Variants in PHF2 observed in about 807,000 individuals in gnomAD.
PHF2 encodes the protein PHD finger protein 2.
PHF2 carries 27 observed loss-of-function variants against 120.5 expected under a neutral mutation model. That is an observed-to-expected ratio of 0.22 (90% CI 0.17 to 0.31). The LOEUF (loss-of-function observed/expected upper bound fraction) is 0.31. PHF2 is among the 10% of genes least tolerant of loss of function. PHF2 has a pLI of 1.00. For missense variants in PHF2, 1,024 were observed against 1,434.8 expected, an observed-to-expected ratio of 0.71 and a Z score of 4.63; for synonymous variants, 568 against 592.5, an observed-to-expected ratio of 0.96 and a Z score of 0.60.
chr9:93,600,181 C>G (rs1432056035), intron 1 of PHF2, among the ~76,000 whole-genome samples: 1 of 151,216 alleles, frequency 6.6e-6, no homozygotes, highest in Non-Finnish European at 1.5e-5. Context: ...TGCTGTGTGT[C>G]TGTAGCATAT....
At chr9:93,671,067 G>A (rs10821195) in intron 17 of PHF2, 1 of 976,464 alleles carries the variant, frequency 1.0e-6, no homozygotes, top group Non-Finnish European at 1.2e-6. Context: ...AGATGCAGGT[G>A]GGGGTGCAGG....
Position 93,636,391 on chromosome 9 carries a change from G to C in PHF2, c.185-20G>C. On this transcript the variant is annotated intron_variant, in intron 2 of 21. Coordinates refer to ENST00000359246, the MANE Select transcript of PHF2 (RefSeq NM_005392.4). Reference sequence around the variant, plus strand: ...GGGGCTGCGCTGTGTGACCGACCTTGCTTCCGGTCTCCTCCACAGTAAAGA... The same window carrying C: ...GGGGCTGCGCTGTGTGACCGACCTTCCTTCCGGTCTCCTCCACAGTAAAGA... 6.3e-7 allele frequency: 1 copy of C among 1,581,854 alleles called. No individual in the cohort carries two copies. The highest frequency in any genetic ancestry group is 1.1e-5 in the South Asian group (1 of 87,062).
At chr9:93,580,806 G>C (rs1862917686) in intron 1 of PHF2, among the ~76,000 whole-genome samples, 1 of 152,206 alleles carries the variant, frequency 6.6e-6, no homozygotes, top group South Asian at 2.1e-4. Flanking sequence ...TGAGGGCCCA[G>C]GGGTTAGCCA....
At chr9:93,630,202 C>A in intron 2 of PHF2, 147 bp downstream of exon 2, 1 of 720,358 alleles carries the variant, frequency 1.4e-6, no homozygotes, top group Admixed American at 2.2e-5. Flanking sequence ...GGCCTGGGGA[C>A]CCTGCCAGCC....
intron 9 of PHF2, among the ~76,000 whole-genome samples, chr9:93,657,508 C>T (rs1333722099): frequency 6.6e-6 from 1 of 152,218 alleles, no homozygotes; most frequent in Admixed American, 6.5e-5. Flanking sequence ...ACAGGGCCAG[C>T]CTGACTACTG....
intron 1 of PHF2, among the ~76,000 whole-genome samples, chr9:93,609,582 A>G (rs1340602835): frequency 6.6e-6 from 1 of 151,730 alleles, no homozygotes; most frequent in Non-Finnish European, 1.5e-5. Context: ...AACACTTTGA[A>G]TGTTTTACTC....
chr9:93,582,639 C>G (rs1369242187), intron 1 of PHF2, among the ~76,000 whole-genome samples: 1 of 152,154 alleles, frequency 6.6e-6, no homozygotes, highest in Non-Finnish European at 1.5e-5. Flanking sequence ...CTCCTGGACC[C>G]CCCCGCCACC....
intron 3 of PHF2, among the ~76,000 whole-genome samples, chr9:93,643,851 C>T (rs1826209148): frequency 6.6e-6 from 1 of 152,180 alleles, no homozygotes; most frequent in Non-Finnish European, 1.5e-5. Flanking sequence ...CCGCCTCTGC[C>T]CCCACCACTC....
At chr9:93,611,699 G>C (rs530616343) in intron 1 of PHF2, among the ~76,000 whole-genome samples, 2 of 151,916 alleles carry the variant, frequency 1.3e-5, no homozygotes, top group Admixed American at 6.6e-5. Context: ...ATTTTTTGTG[G>C]AGATGGGGTC....
chr9:93,659,708 A>C, intron 11 of PHF2, 108 bp downstream of exon 11: 1 of 999,640 alleles, frequency 1.0e-6, no homozygotes, highest in South Asian at 1.5e-5. Context: ...CAGGTCTGGG[A>C]AGGCCAGTGC....
intron 1 of PHF2, among the ~76,000 whole-genome samples, chr9:93,620,269 AG>A (rs1225926945): frequency 6.6e-6 from 1 of 152,140 alleles, no homozygotes; most frequent in Non-Finnish European, 1.5e-5. Context: ...TGGTTCTGTG[AG>A]GACCGTCCTC....
At position 93,660,567 on chromosome 9, in the gene PHF2, C is replaced by A. The variant is rs1445263301; in HGVS notation, c.1698+7C>A. ...GCCGCCCAAGAAGGGCAAGGTGGGACCCCCTCACCCTGACTCCCCACCTTA... is the reference window on the plus strand; with the variant it reads ...GCCGCCCAAGAAGGGCAAGGTGGGAACCCCTCACCCTGACTCCCCACCTTA... On this transcript the variant is annotated splice_region_variant and intron_variant, in intron 12 of 21. Transcript: ENST00000359246. 1 of 1,542,266 alleles carries A rather than the reference C, an allele frequency of 6.5e-7. No individual in the cohort carries two copies.
intron 7 of PHF2, 140 bp from the exon 8 acceptor site, chr9:93,655,794 G>C (rs565080421): frequency 1.6e-6 from 1 of 632,284 alleles, no homozygotes; most frequent in Non-Finnish European, 2.9e-6. Flanking sequence ...AGGGCACCAA[G>C]GTGTAGGCGG....
At chr9:93,663,387 G>A in intron 13 of PHF2, 130 bp from the exon 14 acceptor site, 1 of 696,794 alleles carries the variant, frequency 1.4e-6, no homozygotes, top group East Asian at 2.5e-5. Context: ...GGCCCGGGTG[G>A]CCACCAGAGC....
chr9:93,647,124 C>G (rs898544127), intron 4 of PHF2, among the ~76,000 whole-genome samples: 1 of 152,242 alleles, frequency 6.6e-6, no homozygotes, highest in Non-Finnish European at 1.5e-5. Flanking sequence ...TGTACCCCAG[C>G]TGTAATGTTC....
chr9:93,599,987 C>T lies in PHF2; in HGVS notation c.98+23116C>T, dbSNP rs377028922. The stretch of plus-strand genomic sequence containing the variant: ...CCCTCATGCTGCCCAGGAACAGCCC[C>T]GGGGATTCCCCTGGCCCCCAGCTCC... On this transcript the variant is annotated intron_variant, in intron 1 of 21. Coordinates refer to ENST00000359246, the MANE Select transcript of PHF2 (RefSeq NM_005392.4). Among the ~76,000 whole-genome samples the T allele has an allele frequency of 1.2e-4, 18 of 152,284 alleles. No homozygotes were observed. In the East Asian group the frequency reaches 2.3e-3, roughly 20 times the overall value.
chr9:93,653,388 C>A, intron 6 of PHF2, 23 bp downstream of exon 6: 2 of 1,610,308 alleles, frequency 1.2e-6, no homozygotes, highest in Non-Finnish European at 1.7e-6. Flanking sequence ...CCTCGGGGCA[C>A]CTCTGCCTTG....
intron 1 of PHF2, among the ~76,000 whole-genome samples, chr9:93,605,244 G>A (rs1171047680): frequency 6.6e-6 from 1 of 152,026 alleles, no homozygotes; most frequent in African/African-American, 2.4e-5. Flanking sequence ...TTGAAACAGG[G>A]TCTTGCTCTG....
At chr9:93,654,816 G>T (rs531571020) in intron 7 of PHF2, among the ~76,000 whole-genome samples, 3 of 152,204 alleles carry the variant, frequency 2.0e-5, no homozygotes, top group African/African-American at 7.2e-5. Context: ...GGCTTGTGTT[G>T]TCTCGTCAGC....
Sources: gnomAD v4.1 joint callset for allele counts (sites outside exome capture counted in the v4.1 genomes callset) on GRCh38, gnomAD v4.1.1 for gene constraint, MANE v1.5 for transcripts, NCBI Gene and HGNC (gene_info 2026-07-23, HGNC 2026-07-21) for gene names.